IFTAP: variants seen among roughly 807,000 people sequenced by gnomAD.
IFTAP encodes intraflagellar transport-associated protein.
Under a neutral mutation model 19.4 loss-of-function variants are expected in IFTAP, and 19 were observed. The ratio of observed to expected loss-of-function variants is 0.98; its 90% CI spans 0.68 to 1.44. The LOEUF (loss-of-function observed/expected upper bound fraction) is 1.44. Ranked by LOEUF, IFTAP falls within the 40% of genes most tolerant of loss-of-function variation. The pLI, the probability that IFTAP is intolerant of heterozygous loss-of-function variation, is 0.00. For synonymous variants in IFTAP, 85 were observed against 83.5 expected, an observed-to-expected ratio of 1.02 and a Z score of -0.10; for missense variants, 240 against 253.6, an observed-to-expected ratio of 0.95 and a Z score of 0.36.
intron 4 of IFTAP, among the ~76,000 whole-genome samples, chr11:36,640,247 A>G (rs770473310): frequency 2.0e-5 from 3 of 152,082 alleles, no homozygotes; most frequent in Non-Finnish European, 4.4e-5. Context: ...CTGGCACCTT[A>G]GTGTGAATCA....
intron 4 of IFTAP, among the ~76,000 whole-genome samples, chr11:36,646,436 G>T (rs115355095): frequency 0.026 from 3,892 of 152,156 alleles, 168 homozygotes; most frequent in African/African-American, 0.088. Context: ...TCATAAATAG[G>T]TGCATTAGAA....
intron 1 of IFTAP, among the ~76,000 whole-genome samples, chr11:36,596,919 C>T (rs1230352466): frequency 1.3e-5 from 2 of 152,160 alleles, no homozygotes; most frequent in South Asian, 2.1e-4. Flanking sequence ...GAGGATTGTC[C>T]ATTTTTGTAG....
intron 4 of IFTAP, among the ~76,000 whole-genome samples, chr11:36,646,636 A>G (rs1853496363): frequency 6.6e-6 from 1 of 152,178 alleles, no homozygotes; most frequent in South Asian, 2.1e-4. Flanking sequence ...TTATTTAAAG[A>G]AAGTTCGTAA....
At chr11:36,641,766 G>C (rs1853212147) in intron 4 of IFTAP, among the ~76,000 whole-genome samples, 1 of 152,158 alleles carries the variant, frequency 6.6e-6, no homozygotes, top group African/African-American at 2.4e-5. Flanking sequence ...TTGGGGTGGA[G>C]AGTTTTGTAG....
intron 5 of IFTAP, among the ~76,000 whole-genome samples, chr11:36,652,422 C>A (rs368109317): frequency 1.7e-4 from 26 of 151,758 alleles, no homozygotes; most frequent in South Asian, 1.5e-3. Context: ...GACTTTGCTG[C>A]AGTTGCTTAT....
At chr11:36,607,828 C>T (rs983425768) in intron 1 of IFTAP, among the ~76,000 whole-genome samples, 1 of 152,174 alleles carries the variant, frequency 6.6e-6, no homozygotes, top group African/African-American at 2.4e-5. Flanking sequence ...CATGTGCCAC[C>T]ATGCCTGGCT....
At chr11:36,605,588 A>T (rs12273143) in intron 1 of IFTAP, among the ~76,000 whole-genome samples, 6,204 of 152,192 alleles carry the variant, frequency 0.041, 413 homozygotes, top group African/African-American at 0.14. Flanking sequence ...AACAAGACTT[A>T]AGGGAGGTTA....
Position 36,648,097 on chromosome 11 carries a change from C to G in IFTAP, c.440C>G (p.Pro147Arg). ...PSCIPFVAQP[P>R]TCEVKPKPSV... ...TGTATCCCTTTTGTGGCCCAGCCTC[C>G]TACCTGTGAAGTGAAGCCAAAGCCC... The change falls in exon 5 of 6, where the codon CCT (proline) becomes CGT (arginine). Residue 147 changes from proline to arginine, a missense_variant. Physicochemically the swap from Pro to Arg is moderately radical, Grantham distance 103. Transcript: ENST00000334307. 3 of 1,613,436 alleles carry G rather than the reference C, an allele frequency of 1.9e-6. No homozygotes were observed. The highest frequency in any genetic ancestry group is 2.5e-6 in the Non-Finnish European group (3 of 1,179,596).
chr11:36,643,174 T>G (rs1853308735), intron 4 of IFTAP, among the ~76,000 whole-genome samples: 2 of 152,170 alleles, frequency 1.3e-5, no homozygotes, highest in Non-Finnish European at 2.9e-5. Context: ...AAAATCAATG[T>G]GCAAAAATCA....
intron 1 of IFTAP, among the ~76,000 whole-genome samples, chr11:36,598,587 G>A (rs751908281): frequency 1.3e-5 from 2 of 152,170 alleles, no homozygotes; most frequent in African/African-American, 2.4e-5. Context: ...TAACTTTGAG[G>A]TACTCTTTTG....
At chr11:36,600,974 C>T (rs1258751007) in intron 1 of IFTAP, among the ~76,000 whole-genome samples, 1 of 152,172 alleles carries the variant, frequency 6.6e-6, no homozygotes, top group Non-Finnish European at 1.5e-5. Flanking sequence ...GGTAACACAG[C>T]TGCAGTGGTC....
At chr11:36,633,053 A>T (rs1852788914) in intron 2 of IFTAP, among the ~76,000 whole-genome samples, 1 of 151,280 alleles carries the variant, frequency 6.6e-6, no homozygotes, top group African/African-American at 2.5e-5. Flanking sequence ...ACAGTGCTGG[A>T]TATGTAATAG....
chr11:36,621,056 T>A (rs1017299292), intron 2 of IFTAP, among the ~76,000 whole-genome samples: 1 of 152,180 alleles, frequency 6.6e-6, no homozygotes, highest in Admixed American at 6.6e-5. Context: ...AAATAGCCAA[T>A]TTAAACAATA....
At chr11:36,658,411 CTACTT>C (rs1251695384) in intron 5 of IFTAP, among the ~76,000 whole-genome samples, 40 of 152,254 alleles carry the variant, frequency 2.6e-4, no homozygotes, top group African/African-American at 9.4e-4. Flanking sequence ...CTCTTTGTAA[CTACTT>C]TACTTATAGA....
chr11:36,600,509 G>A (rs1851467293), intron 1 of IFTAP, among the ~76,000 whole-genome samples: 2 of 152,198 alleles, frequency 1.3e-5, no homozygotes, highest in Admixed American at 6.5e-5. Context: ...CTGATGATCT[G>A]AGGTGGAATC....
intron 1 of IFTAP, among the ~76,000 whole-genome samples, chr11:36,600,661 G>A (rs1162162362): frequency 6.6e-6 from 1 of 152,226 alleles, no homozygotes; most frequent in Non-Finnish European, 1.5e-5. Flanking sequence ...TTTGGTTGCA[G>A]ATGAACATGC....
At chr11:36,638,004 C>A (rs2133471918) in intron 4 of IFTAP, among the ~76,000 whole-genome samples, 1 of 152,200 alleles carries the variant, frequency 6.6e-6, no homozygotes, top group Non-Finnish European at 1.5e-5. Context: ...CCTCAGCCTC[C>A]CAAGTAGCTG....
chr11:36,627,612 C>CA lies in IFTAP; in HGVS notation c.137-5671dup, dbSNP rs1341516346. On this transcript the variant is annotated intron_variant, in intron 2 of 5. Transcript: ENST00000334307. ...AGATTCTACCTTGTGTTGATATTGT[C>CA]ACCAGCAGCTGTTGCTCTGTTAGGA... Among the ~76,000 whole-genome samples, 4 of 151,420 alleles carry CA rather than the reference C, an allele frequency of 2.6e-5. No individual in the cohort carries two copies. The East Asian group carries it at 7.7e-4, about 29-fold the overall frequency.
intron 1 of IFTAP, among the ~76,000 whole-genome samples, 177 bp from the exon 2 acceptor site, chr11:36,609,904 A>G (rs947816326): frequency 6.6e-6 from 1 of 152,190 alleles, no homozygotes; most frequent in African/African-American, 2.4e-5. Flanking sequence ...ATAGTTAACA[A>G]TTCAGCAGCA....
Sources: gnomAD v4.1 joint callset for allele counts (sites outside exome capture counted in the v4.1 genomes callset) on GRCh38, gnomAD v4.1.1 for gene constraint, MANE v1.5 for transcripts, NCBI Gene and HGNC (gene_info 2026-07-23, HGNC 2026-07-21) for gene names.